Variants in WWC1 observed in about 807,000 individuals in gnomAD.
WWC1 encodes protein KIBRA.
A neutral mutation model predicts 138.4 loss-of-function variants in WWC1; 55 were observed. The observed-to-expected ratio is 0.40, with a 90% CI of 0.32 to 0.50. WWC1 has a LOEUF of 0.50. Among genes scored for constraint, WWC1 ranks in the 20% least tolerant of loss-of-function variants. WWC1 has a pLI of 0.72. For missense variants in WWC1, 1,226 were observed against 1,420.4 expected (o/e 0.86, Z 2.20); for synonymous variants, 524 against 564.9 (o/e 0.93, Z 1.03).
At chr5:168,451,254 T>G (rs145398657) in intron 17 of WWC1, among the ~76,000 whole-genome samples, 3,650 of 152,210 alleles carry the variant, frequency 0.024, 347 homozygotes, top group Admixed American at 0.17. Flanking sequence ...ACTCCTGACC[T>G]CAGGTGATCC....
intron 20 of WWC1, among the ~76,000 whole-genome samples, chr5:168,463,346 T>C (rs1004191408): frequency 1.3e-5 from 2 of 152,184 alleles, no homozygotes; most frequent in African/African-American, 4.8e-5. Context: ...TACTTTGTAT[T>C]ATCTTGCTAG....
chr5:168,468,275 A>G (rs529172624), intron 22 of WWC1, among the ~76,000 whole-genome samples: 3 of 152,294 alleles, frequency 2.0e-5, no homozygotes, highest in South Asian at 4.1e-4. Flanking sequence ...GGTTGGCTGA[A>G]TGATAAATAA....
chr5:168,403,067 TTTCTTTCTTTCTTTTCTTTCTTTTCTTTC>T (rs1561712453), intron 5 of WWC1, among the ~76,000 whole-genome samples: 5 of 108,026 alleles, frequency 4.6e-5, no homozygotes, highest in East Asian at 2.5e-4. Context: ...TCTTTCTTTC[TTTCTTTCTTTCTTTTCTTTCTTTTCTTTC>T]TTTCTTTCTT....
At chr5:168,295,483 CGTGTGTGTGTGTGTGTGTGT>C (rs3138761) in intron 1 of WWC1, among the ~76,000 whole-genome samples, 1 of 142,572 alleles carries the variant, frequency 7.0e-6, no homozygotes, top group Admixed American at 7.0e-5. Context: ...ATTTCTACTC[CGTGTGTGTGTGTGTGTGTGT>C]GTGTGTGTGT....
chr5:168,335,699 A>G (rs559612175), intron 1 of WWC1, among the ~76,000 whole-genome samples: 2 of 152,370 alleles, frequency 1.3e-5, no homozygotes, highest in South Asian at 4.1e-4. Flanking sequence ...TGTTCTGAGC[A>G]CTGTGTCACC....
chr5:168,403,083 C>CTTTTT (rs1338335235), intron 5 of WWC1, among the ~76,000 whole-genome samples: 10 of 100,526 alleles, frequency 9.9e-5, no homozygotes, highest in African/African-American at 3.0e-4. Context: ...TCTTTCTTTT[C>CTTTTT]TTTCTTTTCT....
intron 1 of WWC1, among the ~76,000 whole-genome samples, chr5:168,317,160 A>C (rs904259540): frequency 1.3e-5 from 2 of 152,128 alleles, no homozygotes; most frequent in Non-Finnish European, 2.9e-5. Context: ...TCACACAGCA[A>C]GTTGGCAAGA....
intron 17 of WWC1, among the ~76,000 whole-genome samples, chr5:168,451,690 G>T (rs894076263): frequency 9.9e-5 from 15 of 152,108 alleles, no homozygotes; most frequent in Admixed American, 3.3e-4. Context: ...TAGCCTTGGC[G>T]ACAGAGCAAG....
intron 1 of WWC1, among the ~76,000 whole-genome samples, chr5:168,326,249 C>CTTTTTT (rs1772534003): frequency 3.5e-5 from 4 of 115,134 alleles, no homozygotes; most frequent in Admixed American, 1.0e-4. Context: ...CGGAGTTTTG[C>CTTTTTT]TCTTGTTGCC....
At chr5:168,327,967 T>A (rs769351096) in intron 1 of WWC1, among the ~76,000 whole-genome samples, 12 of 152,176 alleles carry the variant, frequency 7.9e-5, no homozygotes, top group Non-Finnish European at 1.5e-4. Flanking sequence ...GGATGTGGAC[T>A]TCTCTCATAA....
intron 2 of WWC1, among the ~76,000 whole-genome samples, chr5:168,377,076 A>G (rs116095306): frequency 0.027 from 4,148 of 152,310 alleles, 196 homozygotes; most frequent in African/African-American, 0.095. Flanking sequence ...CTAGTACAAA[A>G]GCAGGCACGT....
In WWC1 at chr5:168,422,747, A is replaced by AT. The variant is rs143118998; in HGVS notation, c.1274+657dup. On this transcript the variant is annotated intron_variant, in intron 10 of 22. Coordinates refer to ENST00000265293, the MANE Select transcript of WWC1 (RefSeq NM_015238.3). ...ATTCAATAACATTTTGTTCCATTAG[A>AT]TTTTTTTCTAATGGTGGTCTTCTCT... 5.2e-3 allele frequency among the ~76,000 whole-genome samples: 785 copies of AT among 152,254 alleles called. 6 individuals are homozygous for AT. The highest frequency in any genetic ancestry group is 0.018 in the African/African-American group (760 of 41,546).
intron 5 of WWC1, among the ~76,000 whole-genome samples, chr5:168,400,721 A>G (rs1779244586): frequency 6.6e-6 from 1 of 151,978 alleles, no homozygotes; most frequent in Non-Finnish European, 1.5e-5. Context: ...GGCCAAGGTG[A>G]GAGGATTGCT....
chr5:168,420,962 C>T (rs972175013), intron 9 of WWC1, among the ~76,000 whole-genome samples: 3 of 152,196 alleles, frequency 2.0e-5, no homozygotes, highest in African/African-American at 7.2e-5. Context: ...CTTTTCCTAG[C>T]CAACTGCTGT....
chr5:168,427,757 C>T (rs1297072230), intron 11 of WWC1, among the ~76,000 whole-genome samples: 2 of 151,720 alleles, frequency 1.3e-5, no homozygotes, highest in African/African-American at 4.8e-5. Flanking sequence ...AGTTCAAGAC[C>T]AGCCTGGGCA....
intron 1 of WWC1, among the ~76,000 whole-genome samples, chr5:168,314,286 G>A (rs1771377247): frequency 6.6e-6 from 1 of 152,184 alleles, no homozygotes; most frequent in African/African-American, 2.4e-5. Context: ...GATGTGAGGG[G>A]GCCAGGCATG....
chr5:168,320,973 C>T (rs1289909144), intron 1 of WWC1, among the ~76,000 whole-genome samples: 3 of 152,180 alleles, frequency 2.0e-5, no homozygotes, highest in South Asian at 2.1e-4. Flanking sequence ...GAGCCAATAG[C>T]CATCTGGATG....
rs140284299 is a variant in WWC1, at chr5:168,465,335, G to A, written c.3150+373G>A. 2.6e-5 allele frequency among the ~76,000 whole-genome samples: 4 copies of A among 152,018 alleles called. 1 individual carries two copies. Among genetic ancestry groups the A allele is most frequent in the South Asian group, 4.2e-4 (2 of 4,816 alleles). ...TAACAATAGGACACTGACCTGCCTC[G>A]ATGCCTGCCCAGGAAGTCCCACAGG... On this transcript the variant is annotated intron_variant, in intron 21 of 22. Coordinates refer to ENST00000265293, the MANE Select transcript of WWC1 (RefSeq NM_015238.3).
At chr5:168,321,485 C>T (rs1488463672) in intron 1 of WWC1, among the ~76,000 whole-genome samples, 1 of 152,054 alleles carries the variant, frequency 6.6e-6, no homozygotes, top group Admixed American at 6.6e-5. Flanking sequence ...TCTCCAACTC[C>T]CTGAAGGGGG....
Sources: allele counts gnomAD v4.1 joint callset (sites outside exome capture counted in the v4.1 genomes callset), GRCh38; gene constraint gnomAD v4.1.1; transcripts MANE v1.5; gene names NCBI Gene and HGNC (gene_info 2026-07-23, HGNC 2026-07-21).